SMARCA2: variants seen among roughly 807,000 people sequenced by gnomAD.
SMARCA2 encodes the protein SWI/SNF related BAF chromatin remodeling complex subunit ATPase 2.
A neutral mutation model predicts 199.8 loss-of-function variants in SMARCA2; 61 were observed. The observed-to-expected ratio is 0.31, with a 90% CI of 0.25 to 0.38. SMARCA2 has a LOEUF of 0.38. SMARCA2 is among the 10% of genes least tolerant of loss of function. The probability of loss-of-function intolerance (pLI) is 1.00; values close to 1 mark genes in which losing one functional copy is unlikely to be tolerated. For missense variants in SMARCA2, 1,344 were observed against 2,012.2 expected (o/e 0.67, Z 6.35); for synonymous variants, 935 against 732.0 (o/e 1.28, Z -4.48).
chr9:2,151,447 T>G (rs1448602908), intron 27 of SMARCA2, among the ~76,000 whole-genome samples: 2 of 151,272 alleles, frequency 1.3e-5, no homozygotes, highest in African/African-American at 4.8e-5. Flanking sequence ...CGAACCAGAT[T>G]GAGGCTGGGC....
At chr9:2,093,140 G>C (rs986791960) in intron 19 of SMARCA2, among the ~76,000 whole-genome samples, 21 of 152,108 alleles carry the variant, frequency 1.4e-4, no homozygotes, top group African/African-American at 5.1e-4. Context: ...GGAGATGAGG[G>C]CTACTCACAC....
In SMARCA2 at chr9:2,087,087, C is replaced by T. The variant is rs2130486916; in HGVS notation, c.2769+16C>T. ...TGGTGAAAGGGTACTGGTCTGAGTT[C>T]TGTTTTTTCCACTGCATGATAATGA... On this transcript the variant is annotated intron_variant, in intron 18 of 33. Transcript: ENST00000349721. The T allele has an allele frequency of 6.2e-7, 1 of 1,613,644 alleles. No individual in the cohort carries two copies.
chr9:2,135,228 A>G (rs1169664158), intron 27 of SMARCA2, among the ~76,000 whole-genome samples: 1 of 152,236 alleles, frequency 6.6e-6, no homozygotes, highest in Middle Eastern at 3.2e-3. Context: ...AGCTCAAGAA[A>G]AGAAGGAATT....
At chr9:2,174,341 G>A (rs566436379) in intron 29 of SMARCA2, among the ~76,000 whole-genome samples, 9 of 152,298 alleles carry the variant, frequency 5.9e-5, no homozygotes, top group African/African-American at 1.7e-4. Flanking sequence ...CTGAGAGATC[G>A]CAGTTATTTG....
intron 13 of SMARCA2, among the ~76,000 whole-genome samples, chr9:2,076,557 C>G (rs1213366580): frequency 4.0e-5 from 6 of 151,658 alleles, no homozygotes; most frequent in Non-Finnish European, 7.4e-5. Context: ...CCCTTTCTTT[C>G]TCACTTCCTT....
chr9:2,049,984 G>A (rs1478945989), intron 5 of SMARCA2, among the ~76,000 whole-genome samples: 1 of 152,100 alleles, frequency 6.6e-6, no homozygotes, highest in Non-Finnish European at 1.5e-5. Context: ...AGAAATTCTT[G>A]AACAGATGTT....
rs1423393002 is a variant in SMARCA2, at chr9:2,170,984, G to C, written c.4253+512G>C. Among the ~76,000 whole-genome samples, 2 of 152,196 alleles carry C rather than the reference G, an allele frequency of 1.3e-5. No individual in the cohort carries two copies. Among genetic ancestry groups the C allele is most frequent in the African/African-American group, 4.8e-5 (2 of 41,458 alleles). On this transcript the variant is annotated intron_variant, in intron 29 of 33. Coordinates refer to ENST00000349721, the MANE Select transcript of SMARCA2 (RefSeq NM_003070.5). This position sits in a 1 kb window ranked among gnomAD's most constrained non-coding sequence, Gnocchi z 4.7. ...TTGCTGAGTTGTCTCTTGTTTGTGT[G>C]ATGGGTTGGGTTTCAGGGTGTGACT...
At chr9:2,064,676 A>C (rs993167382) in intron 9 of SMARCA2, among the ~76,000 whole-genome samples, 2 of 152,206 alleles carry the variant, frequency 1.3e-5, no homozygotes, top group Non-Finnish European at 2.9e-5. Context: ...ATACTGAGGC[A>C]TGCAGAAGAA....
At chr9:2,188,525 CTATTTTAGCTA>C (rs1586819920) in intron 32 of SMARCA2, among the ~76,000 whole-genome samples, 1 of 152,136 alleles carries the variant, frequency 6.6e-6, no homozygotes. Context: ...TCTGCATCAT[CTATTTTAGCTA>C]TATATTTCAT....
intron 29 of SMARCA2, among the ~76,000 whole-genome samples, chr9:2,176,190 T>TTTTTTTGTTTTTTTTTTTTG (rs1826587945): frequency 7.4e-6 from 1 of 135,926 alleles, no homozygotes; most frequent in African/African-American, 3.4e-5. Flanking sequence ...CTGTTTTTTT[T>TTTTTTTGTTTTTTTTTTTTG]TTTTTTTTTT....
chr9:2,182,642 C>CTGTG (rs1827132054), intron 31 of SMARCA2, among the ~76,000 whole-genome samples: 1 of 150,624 alleles, frequency 6.6e-6, no homozygotes, highest in African/African-American at 2.4e-5. Context: ...TTACAGGCAC[C>CTGTG]CACCACCATG....
At chr9:2,125,489 CT>C (rs60942071) in intron 27 of SMARCA2, among the ~76,000 whole-genome samples, 236 of 129,752 alleles carry the variant, frequency 1.8e-3, no homozygotes, top group African/African-American at 3.4e-3. Flanking sequence ...CTGGGCCAAC[CT>C]TTTTTTTTTT....
In SMARCA2 at chr9:2,118,865, G is replaced by A. The variant is rs372454989; in HGVS notation, c.3685-593G>A. On this transcript the variant is annotated intron_variant, in intron 25 of 33. Transcript: ENST00000349721. The stretch of plus-strand genomic sequence containing the variant: ...TTTTTTTGTTACTGATACCTTTTTA[G>A]TTATCCCATCCATAGCTCCAATCAT... Among the ~76,000 whole-genome samples the A allele has an allele frequency of 6.3e-4, 95 of 151,968 alleles. No homozygotes were observed. In the East Asian group the frequency reaches 0.011, roughly 17 times the overall value.
intron 25 of SMARCA2, among the ~76,000 whole-genome samples, chr9:2,118,839 T>G (rs936415888): frequency 1.3e-5 from 2 of 151,890 alleles, no homozygotes; most frequent in Admixed American, 1.3e-4. Context: ...AATTTTGAGG[T>G]TTTTTTTGTT....
intron 27 of SMARCA2, among the ~76,000 whole-genome samples, chr9:2,145,045 A>G (rs1443315527): frequency 6.6e-6 from 1 of 152,212 alleles, no homozygotes; most frequent in Non-Finnish European, 1.5e-5. Flanking sequence ...CATGCCTGTA[A>G]TCCCAGCATT....
chr9:2,120,301 C>G (rs1823400947), intron 26 of SMARCA2, among the ~76,000 whole-genome samples: 1 of 152,190 alleles, frequency 6.6e-6, no homozygotes, highest in African/African-American at 2.4e-5. Context: ...TCAGATCTTA[C>G]ATGAGTAATT....
At chr9:2,070,526 C>A in intron 10 of SMARCA2, 55 bp downstream of exon 10, 2 of 1,280,368 alleles carry the variant, frequency 1.6e-6, no homozygotes, top group Non-Finnish European at 2.3e-6. Flanking sequence ...CTGTGCCATA[C>A]CTGGCAGCAC....
At position 2,060,804 on chromosome 9, in the gene SMARCA2, T is replaced by C. The variant is rs1308960204; in HGVS notation, c.1522-12T>C. The C allele has an allele frequency of 6.2e-7, 1 of 1,612,898 alleles. No individual in the cohort carries two copies. The highest frequency in any genetic ancestry group is 2.2e-5 in the East Asian group (1 of 44,854). ...ATATTATGCTCTCATCCTGCTCTTC[T>C]TTCCTTAATAGGCTGAAGATGAGGA... is the stretch of plus-strand genomic sequence containing the variant. On this transcript the variant is annotated splice_polypyrimidine_tract_variant and intron_variant, in intron 8 of 33. Coordinates refer to ENST00000349721, the MANE Select transcript of SMARCA2 (RefSeq NM_003070.5).
intron 5 of SMARCA2, among the ~76,000 whole-genome samples, chr9:2,052,068 T>C (rs1242568559): frequency 6.6e-6 from 1 of 152,212 alleles, no homozygotes; most frequent in African/African-American, 2.4e-5. Flanking sequence ...TTGAACAATT[T>C]TGCCAAAAGA....
Sources: allele counts gnomAD v4.1 joint callset (sites outside exome capture counted in the v4.1 genomes callset), GRCh38; gene constraint gnomAD v4.1.1; non-coding constraint Gnocchi (gnomAD v3.1); transcripts MANE v1.5; gene names NCBI Gene and HGNC (gene_info 2026-07-23, HGNC 2026-07-21).